STXBP6: variants seen among roughly 807,000 people sequenced by gnomAD.
STXBP6 encodes the protein syntaxin binding protein 6.
A neutral mutation model predicts 26.9 loss-of-function variants in STXBP6; 21 were observed. That is an observed-to-expected ratio of 0.78 (90% CI 0.55 to 1.12). STXBP6 has a LOEUF of 1.12. STXBP6 is among the 50% of genes most tolerant of loss of function. The pLI, the probability that STXBP6 is intolerant of heterozygous loss-of-function variation, is 0.00. For synonymous variants in STXBP6, 97 were observed against 92.6 expected (o/e 1.05, Z -0.27); for missense variants, 232 against 257.9 (o/e 0.90, Z 0.69).
intron 1 of STXBP6, among the ~76,000 whole-genome samples, chr14:25,018,992 C>A (rs574720899): frequency 1.1e-4 from 16 of 152,282 alleles, no homozygotes; most frequent in Admixed American, 1.0e-3. Context: ...CTCTGTTGAG[C>A]CCAAGAAGCA....
At chr14:24,930,204 T>A (rs2072332720) in intron 2 of STXBP6, among the ~76,000 whole-genome samples, 1 of 151,860 alleles carries the variant, frequency 6.6e-6, no homozygotes. Flanking sequence ...CCCAGGACAA[T>A]CACGTGGGGA....
intron 4 of STXBP6, among the ~76,000 whole-genome samples, chr14:24,822,824 A>G (rs1216896641): frequency 6.6e-6 from 1 of 152,184 alleles, no homozygotes; most frequent in Non-Finnish European, 1.5e-5. Flanking sequence ...ATACCTTTGT[A>G]TATCCTGCTA....
intron 2 of STXBP6, among the ~76,000 whole-genome samples, chr14:24,932,164 T>C (rs2072436760): frequency 6.6e-6 from 1 of 152,180 alleles, no homozygotes; most frequent in Admixed American, 6.5e-5. Flanking sequence ...ATCCCAGCAC[T>C]TTGGGAGGCC....
rs116398504 is a variant in STXBP6, at chr14:25,007,464, G to T, written c.-32-32614C>A. On this transcript the variant is annotated intron_variant, in intron 1 of 5. Transcript: ENST00000323944. The stretch of plus-strand genomic sequence containing the variant: ...TGGGTACAATCAGTCACCACAAGTA[G>T]TACAAGACCCCAGGTCCTGACATGG... Among the ~76,000 whole-genome samples, 1,014 of 152,298 alleles carry T rather than the reference G, an allele frequency of 6.7e-3. 7 individuals are homozygous for T. The highest frequency in any genetic ancestry group is 0.023 in the African/African-American group (973 of 41,556).
intron 2 of STXBP6, among the ~76,000 whole-genome samples, chr14:24,876,618 T>C (rs774448823): frequency 1.3e-5 from 2 of 152,222 alleles, no homozygotes; most frequent in Admixed American, 6.5e-5. Context: ...GTGGAAACGA[T>C]GTTCCTGAGA....
At chr14:24,943,840 C>T (rs2072887803) in intron 2 of STXBP6, among the ~76,000 whole-genome samples, 1 of 151,980 alleles carries the variant, frequency 6.6e-6, no homozygotes, top group African/African-American at 2.4e-5. Context: ...TCTGAAGTAC[C>T]AAAGAACTGA....
Position 24,974,661 on chromosome 14 carries a change from T to C in STXBP6, c.154+4A>G. 1 of 1,547,340 alleles carries C rather than the reference T, an allele frequency of 6.5e-7. No individual in the cohort carries two copies. The highest frequency in any genetic ancestry group is 8.7e-7 in the Non-Finnish European group (1 of 1,144,830). On this transcript the variant is annotated splice_donor_region_variant and intron_variant, in intron 2 of 5. Coordinates refer to ENST00000323944, the MANE Select transcript of STXBP6 (RefSeq NM_001394410.1). ...TAATAATATTAATATCTGGTTCTCATTACCTGACAGGCAGATATAAGTTAA... is the reference window on the plus strand; with the variant it reads ...TAATAATATTAATATCTGGTTCTCACTACCTGACAGGCAGATATAAGTTAA...
chr14:25,049,245 C>T lies in STXBP6; in HGVS notation c.-33+633G>A, dbSNP rs2075769290. The stretch of plus-strand genomic sequence containing the variant: ...GTTGCCCGGCGGTGTTGGTGAGGCT[C>T]GATGCCGGCGTGCACGGCAAGCGCG... On this transcript the variant is annotated intron_variant, in intron 1 of 5. Coordinates refer to ENST00000323944, the MANE Select transcript of STXBP6 (RefSeq NM_001394410.1). This position sits in a 1 kb window ranked among gnomAD's most constrained non-coding sequence, Gnocchi z 5.6. The T allele has an allele frequency of 1.0e-6, 1 of 985,316 alleles. No homozygotes were observed. The highest frequency in any genetic ancestry group is 1.7e-5 in the African/African-American group (1 of 57,228). The allele number at this position is 985,316 out of a possible 1,614,324, so 61.0% of individuals were successfully genotyped here.
At chr14:24,947,849 C>T (rs1248428066) in intron 2 of STXBP6, among the ~76,000 whole-genome samples, 1 of 151,968 alleles carries the variant, frequency 6.6e-6, no homozygotes, top group Non-Finnish European at 1.5e-5. Context: ...TCAAGATGTA[C>T]CTTTTATTTG....
intron 2 of STXBP6, among the ~76,000 whole-genome samples, chr14:24,870,827 C>G (rs1032869956): frequency 6.6e-6 from 1 of 152,142 alleles, no homozygotes; most frequent in African/African-American, 2.4e-5. Context: ...CTCCATGTCC[C>G]CCTTCAGATC....
At chr14:25,015,998 C>T (rs2075139366) in intron 1 of STXBP6, among the ~76,000 whole-genome samples, 1 of 152,116 alleles carries the variant, frequency 6.6e-6, no homozygotes, top group African/African-American at 2.4e-5. Context: ...ACCTTGGAGA[C>T]ACTGTGCAGC....
At chr14:24,940,616 T>G (rs1185660165) in intron 2 of STXBP6, among the ~76,000 whole-genome samples, 3 of 152,190 alleles carry the variant, frequency 2.0e-5, no homozygotes, top group African/African-American at 7.2e-5. Context: ...AGAGACCTGT[T>G]GACCTGGATG....
intron 4 of STXBP6, among the ~76,000 whole-genome samples, chr14:24,828,554 G>A (rs2068357031): frequency 6.6e-6 from 1 of 152,152 alleles, no homozygotes; most frequent in Non-Finnish European, 1.5e-5. Flanking sequence ...ATCTGTGTGA[G>A]TAGCAATGGG....
chr14:24,887,689 T>C (rs2070641526), intron 2 of STXBP6, among the ~76,000 whole-genome samples: 2 of 152,172 alleles, frequency 1.3e-5, no homozygotes. Context: ...AAAAGTACAC[T>C]ATTTGGGTGG....
chr14:25,043,679 A>G (rs1413476231), intron 1 of STXBP6, among the ~76,000 whole-genome samples: 1 of 152,212 alleles, frequency 6.6e-6, no homozygotes, highest in Non-Finnish European at 1.5e-5. Flanking sequence ...CGTACACTTC[A>G]TAATGGAATC....
intron 1 of STXBP6, among the ~76,000 whole-genome samples, chr14:25,009,643 C>A (rs748763685): frequency 4.6e-5 from 7 of 152,146 alleles, no homozygotes; most frequent in Non-Finnish European, 1.0e-4. Context: ...TTGGTGCTGA[C>A]CCTGCACTAA....
At chr14:25,041,528 C>T (rs781714495) in intron 1 of STXBP6, among the ~76,000 whole-genome samples, 2 of 152,164 alleles carry the variant, frequency 1.3e-5, no homozygotes, top group Non-Finnish European at 2.9e-5. Flanking sequence ...CCACCAGTTA[C>T]TGCTGGCTTT....
Position 24,974,667 on chromosome 14 carries a change from G to A in STXBP6, c.152C>T (p.Ser51Leu). The A allele has an allele frequency of 6.5e-7, 1 of 1,548,676 alleles. No individual in the cohort carries two copies. The highest frequency in any genetic ancestry group is 1.2e-5 in the South Asian group (1 of 83,312). Reference sequence around the variant, plus strand: ...TATTAATATCTGGTTCTCATTACCTGACAGGCAGATATAAGTTAAATATTC... The same window carrying A: ...TATTAATATCTGGTTCTCATTACCTAACAGGCAGATATAAGTTAAATATTC... The part of the protein sequence containing the change: ...QGEYLTYICL[S>L]VTNKKPTQAS... The change falls in exon 2 of 6, where the codon TCA (serine) becomes TTA (leucine). Residue 51 changes from serine to leucine, a missense_variant and splice_region_variant. Ser to Leu is a moderately radical substitution (Grantham distance 145). Transcript: ENST00000323944.
intron 4 of STXBP6, among the ~76,000 whole-genome samples, chr14:24,849,567 A>G (rs1384417827): frequency 6.6e-6 from 1 of 152,156 alleles, no homozygotes; most frequent in Non-Finnish European, 1.5e-5. Flanking sequence ...ATCTTGGGCT[A>G]GTTCCTCATG....
Sources: gnomAD v4.1 joint callset for allele counts (sites outside exome capture counted in the v4.1 genomes callset) on GRCh38, gnomAD v4.1.1 for gene constraint, Gnocchi (gnomAD v3.1) non-coding constraint, MANE v1.5 for transcripts, NCBI Gene and HGNC (gene_info 2026-07-23, HGNC 2026-07-21) for gene names.